The following SEMA6D variants were observed in gnomAD, a reference collection of about 807,000 sequenced individuals.
SEMA6D encodes the protein semaphorin 6D.
SEMA6D carries 35 observed loss-of-function variants against 106.6 expected under a neutral mutation model. That is an observed-to-expected ratio of 0.33 (90% CI 0.25 to 0.44). The LOEUF is 0.44. SEMA6D is among the 20% of genes least tolerant of loss of function. The pLI, the probability that SEMA6D is intolerant of heterozygous loss-of-function variation, is 1.00. For synonymous variants in SEMA6D, 499 were observed against 487.7 expected (o/e 1.02, Z -0.31); for missense variants, 1,185 against 1,345.9 (o/e 0.88, Z 1.87).
chr15:47,541,350 A>G (rs1596278972), intron 3 of SEMA6D, among the ~76,000 whole-genome samples: 2 of 152,212 alleles, frequency 1.3e-5, no homozygotes, highest in East Asian at 3.9e-4. Context: ...AGCATAAACA[A>G]TAATCCCCCA....
chr15:47,216,135 G>A lies in SEMA6D; in HGVS notation c.-239+31717G>A, dbSNP rs796840413. 5.3e-5 allele frequency among the ~76,000 whole-genome samples: 8 copies of A among 152,060 alleles called. No individual in the cohort carries two copies. The South Asian group carries it at 1.5e-3, about 28-fold the overall frequency. On this transcript the variant is annotated intron_variant, in intron 1 of 19. Transcript: ENST00000558014. ...TTTTTTTCTTTTAAAAATACTACTAGGATGATATACCTTGTTATTTGAGAA... is the reference window on the plus strand; with the variant it reads ...TTTTTTTCTTTTAAAAATACTACTAAGATGATATACCTTGTTATTTGAGAA...
intron 3 of SEMA6D, among the ~76,000 whole-genome samples, chr15:47,554,796 T>TTTTC (rs1202560710): frequency 1.8e-4 from 28 of 152,218 alleles, no homozygotes; most frequent in African/African-American, 6.3e-4. Context: ...CTTCTGTGTA[T>TTTTC]TTTCTCTAAT....
intron 1 of SEMA6D, among the ~76,000 whole-genome samples, chr15:47,212,686 T>G (rs752096868): frequency 1.3e-5 from 2 of 152,208 alleles, no homozygotes; most frequent in Non-Finnish European, 2.9e-5. Flanking sequence ...AAGTAGCATT[T>G]CCTTTCTTTT....
At chr15:47,440,566 A>T (rs2041852274) in intron 2 of SEMA6D, among the ~76,000 whole-genome samples, 1 of 151,996 alleles carries the variant, frequency 6.6e-6, no homozygotes, top group African/African-American at 2.4e-5. Flanking sequence ...GAGAACTGCC[A>T]TTCATGCATG....
At position 47,762,197 on chromosome 15, in the gene SEMA6D, C is replaced by T; in HGVS notation, c.539-3C>T. The T allele has an allele frequency of 6.2e-7, 1 of 1,613,594 alleles. No homozygotes were observed. The highest frequency in any genetic ancestry group is 8.5e-7 in the Non-Finnish European group (1 of 1,179,614). The stretch of plus-strand genomic sequence containing the variant: ...CTTACCAAAATTATACCTTTGGTTT[C>T]AGATGGGAAGCTGTATTCTGCCACA... On this transcript the variant is annotated splice_polypyrimidine_tract_variant and splice_region_variant and intron_variant, in intron 7 of 18. Coordinates refer to ENST00000536845, the MANE Select transcript of SEMA6D (RefSeq NM_001358351.3).
intron 1 of SEMA6D, among the ~76,000 whole-genome samples, chr15:47,323,252 G>A (rs1169947522): frequency 2.0e-5 from 3 of 152,150 alleles, no homozygotes; most frequent in African/African-American, 4.8e-5. Context: ...AGCTCGGCGA[G>A]CAGGAGAGCT....
intron 2 of SEMA6D, among the ~76,000 whole-genome samples, chr15:47,425,512 C>T (rs140805842): frequency 1.0e-3 from 155 of 152,174 alleles, no homozygotes; most frequent in African/African-American, 3.7e-3. Flanking sequence ...GGCTAATGGG[C>T]TAATCAAGGA....
At chr15:47,766,554 T>C (rs1324859580) in intron 15 of SEMA6D, 62 bp from the exon 16 acceptor site, 2 of 1,514,512 alleles carry the variant, frequency 1.3e-6, no homozygotes, top group South Asian at 2.3e-5. Context: ...TCTGCTCTGG[T>C]TGTCACTTGT....
chr15:47,549,813 G>T (rs931619224), intron 3 of SEMA6D, among the ~76,000 whole-genome samples: 12 of 152,114 alleles, frequency 7.9e-5, no homozygotes. Context: ...AAATTAAAGG[G>T]ATTTTGGAAG....
chr15:47,751,952 G>C (rs1163989485), intron 1 of SEMA6D, among the ~76,000 whole-genome samples: 1 of 152,158 alleles, frequency 6.6e-6, no homozygotes, highest in Non-Finnish European at 1.5e-5. Context: ...GAGGAGCGAG[G>C]CTTGGTAGGT....
At chr15:47,228,815 G>A (rs772926512) in intron 1 of SEMA6D, among the ~76,000 whole-genome samples, 2 of 152,006 alleles carry the variant, frequency 1.3e-5, no homozygotes, top group Non-Finnish European at 2.9e-5. Flanking sequence ...CCTCTATGGA[G>A]TGCCAAAGTG....
At chr15:47,519,755 A>G (rs2044509622) in intron 3 of SEMA6D, among the ~76,000 whole-genome samples, 1 of 152,038 alleles carries the variant, frequency 6.6e-6, no homozygotes, top group Non-Finnish European at 1.5e-5. Context: ...GTGATGGTTC[A>G]CTCTGCTGCT....
intron 4 of SEMA6D, among the ~76,000 whole-genome samples, chr15:47,642,522 T>C (rs1478680724): frequency 2.0e-5 from 3 of 152,162 alleles, no homozygotes; most frequent in Admixed American, 2.0e-4. Context: ...CAGAGTCACA[T>C]TCCTTGCCCT....
chr15:47,188,718 A>G (rs1023885547), intron 1 of SEMA6D, among the ~76,000 whole-genome samples: 3 of 152,112 alleles, frequency 2.0e-5, no homozygotes, highest in Non-Finnish European at 4.4e-5. Flanking sequence ...TTCTTTTTCA[A>G]TTGTGGAAGA....
At chr15:47,390,572 T>TTTTGTTTG (rs71118180) in intron 1 of SEMA6D, among the ~76,000 whole-genome samples, 2 of 151,660 alleles carry the variant, frequency 1.3e-5, no homozygotes, top group South Asian at 2.1e-4. Flanking sequence ...TCACCGGTTT[T>TTTTGTTTG]TTTGTTTGTT....
intron 4 of SEMA6D, among the ~76,000 whole-genome samples, chr15:47,693,036 ACTTATAGG>A (rs900622515): frequency 6.6e-6 from 1 of 152,056 alleles, no homozygotes; most frequent in African/African-American, 2.4e-5. Context: ...TTCCTCCAAA[ACTTATAGG>A]CTGTAGTTCT....
intron 1 of SEMA6D, among the ~76,000 whole-genome samples, chr15:47,210,633 C>T (rs776466154): frequency 2.0e-5 from 3 of 151,836 alleles, no homozygotes; most frequent in Non-Finnish European, 4.4e-5. Flanking sequence ...CGCGTGGTGG[C>T]ACATGCCTAT....
intron 3 of SEMA6D, among the ~76,000 whole-genome samples, chr15:47,597,620 G>A (rs150225080): frequency 1.7e-4 from 26 of 151,858 alleles, no homozygotes; most frequent in African/African-American, 6.3e-4. Flanking sequence ...AGGCACATAA[G>A]AAGAACAATT....
chr15:47,771,002 G>T lies in SEMA6D; in HGVS notation c.2439G>T (p.Pro813=). The T allele has an allele frequency of 6.2e-7, 1 of 1,614,040 alleles. No individual in the cohort carries two copies. Among genetic ancestry groups the T allele is most frequent in the African/African-American group, 1.3e-5 (1 of 75,004 alleles). ...CCCCTCAGTTTTTTCCGTCTAGTCC[G>T]CCACCTCATTCCCCATTAAGTCATG... is the stretch of plus-strand genomic sequence containing the variant. The part of the protein sequence containing the change: ...KETPQFFPSS[P]PPHSPLSHGH... The change falls in exon 19 of 19, where the codon CCG becomes CCT. Residue 813 remains proline, a synonymous_variant. Coordinates refer to ENST00000536845, the MANE Select transcript of SEMA6D (RefSeq NM_001358351.3).
Sources: allele counts gnomAD v4.1 joint callset (sites outside exome capture counted in the v4.1 genomes callset), GRCh38; gene constraint gnomAD v4.1.1; transcripts MANE v1.5; gene names NCBI Gene and HGNC (gene_info 2026-07-23, HGNC 2026-07-21).